PCNX3: variants seen among roughly 807,000 people sequenced by gnomAD.
PCNX3 encodes pecanex 3.
A neutral mutation model predicts 207.2 loss-of-function variants in PCNX3; 58 were observed. That is an observed-to-expected ratio of 0.28 (90% CI 0.23 to 0.35). PCNX3 has a LOEUF of 0.35. Ranked by LOEUF, PCNX3 falls within the 10% of genes least tolerant of loss-of-function variation. The pLI, the probability that PCNX3 is intolerant of heterozygous loss-of-function variation, is 1.00. For synonymous variants in PCNX3, 1,337 were observed against 1,183.5 expected (o/e 1.13, Z -2.66); for missense variants, 2,410 against 2,774.4 (o/e 0.87, Z 2.95).
At chr11:65,632,548 C>T (rs186521548) in intron 27 of PCNX3, among the ~76,000 whole-genome samples, 304 of 133,774 alleles carry the variant, frequency 2.3e-3, no homozygotes, top group Middle Eastern at 0.017. Context: ...CAGTGCTTCC[C>T]GGGAAGTACC....
Position 65,635,292 on chromosome 11 carries a change from G to A in PCNX3, c.5028G>A (p.Arg1676=), listed in dbSNP as rs747513300. The A allele has an allele frequency of 9.4e-6, 15 of 1,595,294 alleles. No individual in the cohort carries two copies. In the South Asian group the frequency reaches 1.0e-4, roughly 11 times the overall value. Reference sequence around the variant, plus strand: ...ATGCCATTGCGGCCAACGAGGAGCGGCTGGTCATCTCACATGAGGGTGACC... The same window carrying A: ...ATGCCATTGCGGCCAACGAGGAGCGACTGGTCATCTCACATGAGGGTGACC... ...LYDAIAANEE[R]LVISHEGDPA... Residue 1676 remains arginine, a synonymous_variant, in exon 31 of 35, where the codon CGG becomes CGA. Coordinates refer to ENST00000355703, the MANE Select transcript of PCNX3 (RefSeq NM_032223.4). This position sits in a 1 kb window ranked among gnomAD's most constrained non-coding sequence, Gnocchi z 9.9.
In PCNX3 at chr11:65,637,015, A is replaced by G. The variant is rs1399561874; in HGVS notation, c.*37A>G. ...CCCACTGGACCACCTCCTAGGATTC[A>G]GTAACGGACCTGCTCTGCTGCCTCT... On this transcript the variant is annotated 3_prime_UTR_variant, in exon 35 of 35. Transcript: ENST00000355703. The G allele has an allele frequency of 4.9e-5, 75 of 1,539,792 alleles. No individual in the cohort carries two copies. The highest frequency in any genetic ancestry group is 6.3e-5 in the Non-Finnish European group (72 of 1,145,000).
rs775821464 is a variant in PCNX3, at chr11:65,636,977, G to A, written c.6104G>A (p.Ter2035=). The change falls in exon 35 of 35, where the codon TGA becomes TAA. Residue 2035 remains the stop codon, a stop_retained_variant. Coordinates refer to ENST00000355703, the MANE Select transcript of PCNX3 (RefSeq NM_032223.4). ...AAQPLLEHQY[*] Reference sequence around the variant, plus strand: ...CAGCCCCTGCTGGAACACCAGTACTGAGCTACCTGGCGCCCACTGGACCAC... The same window carrying A: ...CAGCCCCTGCTGGAACACCAGTACTAAGCTACCTGGCGCCCACTGGACCAC... 14 of 1,566,350 alleles carry A rather than the reference G, an allele frequency of 8.9e-6. No homozygotes were observed. The highest frequency in any genetic ancestry group is 1.2e-5 in the Non-Finnish European group (14 of 1,158,258).
Position 65,624,502 on chromosome 11 carries a change from C to A in PCNX3, c.2748C>A (p.Leu916=). ...CCCTGTGCTTCCCCTTCGTCTTCCTCCTGGGCCTCCTGCCCCAGGTCAACA... is the reference window on the plus strand; with the variant it reads ...CCCTGTGCTTCCCCTTCGTCTTCCTACTGGGCCTCCTGCCCCAGGTCAACA... The part of the protein sequence containing the change: ...VFTLCFPFVF[L]LGLLPQVNTC... Residue 916 remains leucine (L), a synonymous_variant, in exon 15 of 35, where the codon CTC becomes CTA. Coordinates refer to ENST00000355703, the MANE Select transcript of PCNX3 (RefSeq NM_032223.4). The A allele has an allele frequency of 6.2e-7, 1 of 1,607,732 alleles. No individual in the cohort carries two copies. Among genetic ancestry groups the A allele is most frequent in the South Asian group, 1.1e-5 (1 of 89,378 alleles).
At chr11:65,623,767 C>T (rs1160767627) in intron 12 of PCNX3, 123 bp downstream of exon 12, 48 of 1,517,914 alleles carry the variant, frequency 3.2e-5, no homozygotes, top group Admixed American at 7.4e-5. Context: ...TTCCCTAGAG[C>T]TGGCCAGCTC....
intron 24 of PCNX3, 63 bp downstream of exon 24, chr11:65,629,011 G>T: frequency 6.3e-7 from 1 of 1,584,988 alleles, no homozygotes; most frequent in Non-Finnish European, 8.6e-7. Context: ...TTGGAGCCCA[G>T]GCTGGAGGCC....
At chr11:65,626,676 C>CAGCAG in intron 20 of PCNX3, 1 of 595,256 alleles carries the variant, frequency 1.7e-6, no homozygotes. Flanking sequence ...TTTTAACAGA[C>CAGCAG]AGCAGAGCAG....
At chr11:65,622,388 C>A in intron 11 of PCNX3, 22 bp downstream of exon 11, 1 of 1,582,632 alleles carries the variant, frequency 6.3e-7, no homozygotes, top group Non-Finnish European at 8.6e-7. Context: ...GCAGCCTTGG[C>A]CCCCAATTCT....
chr11:65,630,710 C>A, intron 27 of PCNX3, 106 bp downstream of exon 27: 1 of 1,448,292 alleles, frequency 6.9e-7, no homozygotes, highest in Non-Finnish European at 9.3e-7. Flanking sequence ...CTGTTTTGTC[C>A]AAGGGAAGCT....
chr11:65,622,162 G>GT, intron 10 of PCNX3, 83 bp from the exon 11 acceptor site: 3 of 1,478,796 alleles, frequency 2.0e-6, no homozygotes, highest in Non-Finnish European at 2.7e-6. Context: ...AGTAGACCAT[G>GT]TGGGGGGTGG....
intron 27 of PCNX3, among the ~76,000 whole-genome samples, chr11:65,632,171 C>G (rs973765797): frequency 5.3e-5 from 8 of 152,168 alleles, no homozygotes; most frequent in African/African-American, 1.9e-4. Context: ...GGGAAGCTGA[C>G]TGGCCACATC....
Position 65,635,827 on chromosome 11 carries a change from G to C in PCNX3, c.5459+24G>C. On this transcript the variant is annotated intron_variant, in intron 32 of 34. Transcript: ENST00000355703. The surrounding 1 kb of genome is among the most constrained non-coding windows in gnomAD (Gnocchi z 9.9). ...AGGTGAGGCCTCGGGAAGGGGTGAC[G>C]TGTGGCGCGGGAGGAAGCTGAGGTG... The C allele has an allele frequency of 6.3e-7, 1 of 1,590,356 alleles. No homozygotes were observed. Among genetic ancestry groups the C allele is most frequent in the East Asian group, 2.3e-5 (1 of 44,312 alleles).
chr11:65,627,495 C>T lies in PCNX3; in HGVS notation c.3615C>T (p.Phe1205=). ...CPPQQYLTLA[F]TVLLFHFDYP... ...CACAGCAGTACCTGACGTTGGCCTT[C>T]ACCGTCCTGCTCTTCCACTTTGACT... The change falls in exon 22 of 35, where the codon TTC becomes TTT. Residue 1205 remains phenylalanine (F), a synonymous_variant. Transcript: ENST00000355703. 6.2e-7 allele frequency: 1 copy of T among 1,613,868 alleles called. No homozygotes were observed. The highest frequency in any genetic ancestry group is 8.5e-7 in the Non-Finnish European group (1 of 1,179,874).
intron 24 of PCNX3, 100 bp downstream of exon 24, chr11:65,629,048 T>C (rs1330125219): frequency 6.7e-7 from 1 of 1,497,358 alleles, no homozygotes; most frequent in Non-Finnish European, 9.0e-7. Flanking sequence ...ACAGCAGGTA[T>C]GGGAGGGCTT....
In PCNX3 at chr11:65,618,440, C is replaced by T. The variant is rs745859362; in HGVS notation, c.1078C>T (p.Arg360Cys). ...CGGGGTCCCCTCAGATGACACGCTG[C>T]GTTCCTTTGACACGGTCATTGGAGC... ...DAGVPSDDTLRSFDTVIGAGT... is the reference protein window; with the variant it reads ...DAGVPSDDTLCSFDTVIGAGT... The change falls in exon 6 of 35, where the codon CGT becomes TGT. Residue 360 changes from arginine to cysteine, a missense_variant. By Grantham distance (180) the Arg-to-Cys change is radical. Around this residue, in one of 8 missense-constraint regions of PCNX3, gnomAD observed 1,104 missense variants for 970.3 expected, o/e 1.14. Transcript: ENST00000355703. 9 of 1,611,308 alleles carry T rather than the reference C, an allele frequency of 5.6e-6. No homozygotes were observed. Among genetic ancestry groups the T allele is most frequent in the South Asian group, 2.2e-5 (2 of 90,930 alleles).
rs545094499 is a variant in PCNX3 at position 65,617,933 on chromosome 11, T to G, written c.578-7T>G. ...TTTTCATTTTCTGTTTCCCTTTATT[T>G]TGGCAGTTGGAGACCTTCCCCAGAC... is the stretch of plus-strand genomic sequence containing the variant. On this transcript the variant is annotated splice_polypyrimidine_tract_variant and splice_region_variant and intron_variant, in intron 5 of 34. Coordinates refer to ENST00000355703, the MANE Select transcript of PCNX3 (RefSeq NM_032223.4). 1.9e-6 allele frequency: 3 copies of G among 1,568,182 alleles called. No individual in the cohort carries two copies. The African/African-American group carries it at 4.1e-5, about 22-fold the overall frequency.
At chr11:65,617,746 C>T (rs1246296534) in intron 5 of PCNX3, 40 bp downstream of exon 5, 4 of 1,544,840 alleles carry the variant, frequency 2.6e-6, no homozygotes, top group Non-Finnish European at 3.5e-6. Flanking sequence ...TGGGCTAGAC[C>T]AGCTGTTTCG....
chr11:65,621,713 T>C (rs182665821), intron 10 of PCNX3, among the ~76,000 whole-genome samples: 1 of 152,308 alleles, frequency 6.6e-6, no homozygotes, highest in Non-Finnish European at 1.5e-5. Flanking sequence ...GGCCCATAGC[T>C]GGGGCCCCAC....
chr11:65,622,889 A>C (rs775617445), intron 11 of PCNX3, among the ~76,000 whole-genome samples: 4 of 152,046 alleles, frequency 2.6e-5, no homozygotes, highest in Non-Finnish European at 5.9e-5. Flanking sequence ...GGCGTGAGCT[A>C]CCGCGCCCGG....
Sources: allele counts gnomAD v4.1 joint callset (sites outside exome capture counted in the v4.1 genomes callset), GRCh38; gene constraint gnomAD v4.1.1; regional missense constraint gnomAD v4.1.1; non-coding constraint Gnocchi (gnomAD v3.1); transcripts MANE v1.5; gene names NCBI Gene and HGNC (gene_info 2026-07-23, HGNC 2026-07-21).